The following ABR variants were observed in gnomAD, a reference collection of about 807,000 sequenced individuals.
ABR encodes ABR activator of RhoGEF and GTPase, also known as active breakpoint cluster region-related protein.
A neutral mutation model predicts 107.2 loss-of-function variants in ABR; 35 were observed. The observed-to-expected ratio is 0.33, with a 90% confidence interval of 0.25 to 0.43. The LOEUF is 0.43. ABR is among the 20% of genes least tolerant of loss of function. ABR has a pLI of 1.00. For missense variants in ABR, 815 were observed against 1,115.2 expected, an observed-to-expected ratio of 0.73 and a Z score of 3.83; for synonymous variants, 498 against 462.0, an observed-to-expected ratio of 1.08 and a Z score of -1.00.
chr17:1,034,633 T>C (rs943575204), intron 16 of ABR, among the ~76,000 whole-genome samples: 4 of 152,048 alleles, frequency 2.6e-5, no homozygotes, highest in Non-Finnish European at 5.9e-5. Flanking sequence ...CCACCCTCAC[T>C]GGGTCCCAGC....
At chr17:1,166,404 A>G (rs964370199) in intron 1 of ABR, among the ~76,000 whole-genome samples, 4 of 152,134 alleles carry the variant, frequency 2.6e-5, no homozygotes, top group African/African-American at 9.7e-5. Context: ...ATCCCCAAGC[A>G]GAGGAACAGC....
intron 1 of ABR, among the ~76,000 whole-genome samples, chr17:1,195,224 G>A (rs1269104054): frequency 1.0e-4 from 15 of 145,860 alleles, no homozygotes; most frequent in Non-Finnish European, 1.5e-4. Context: ...GGAGAATGGC[G>A]TGAACCCGGA....
At chr17:1,060,227 G>A (rs1380610122) in intron 10 of ABR, among the ~76,000 whole-genome samples, 2 of 151,926 alleles carry the variant, frequency 1.3e-5, no homozygotes, top group Non-Finnish European at 2.9e-5. Flanking sequence ...CCTGGCCAAC[G>A]TGGTGAAACT....
rs1036105910 is a variant in ABR at position 1,037,681 on chromosome 17, G to T, written c.1791+12369C>A. ...TGCTCCTCCTCCCGGGAAGGAGGGG[G>T]TGTGGCCGGGTCTCCCAGCACAGCC... On this transcript the variant is annotated intron_variant, in intron 16 of 22. Coordinates refer to ENST00000302538, the MANE Select transcript of ABR (RefSeq NM_021962.5). This position sits in a 1 kb window ranked among gnomAD's most constrained non-coding sequence, Gnocchi z 4.6. 1.3e-5 allele frequency among the ~76,000 whole-genome samples: 2 copies of T among 152,170 alleles called. No individual in the cohort carries two copies. Among genetic ancestry groups the T allele is most frequent in the African/African-American group, 4.8e-5 (2 of 41,440 alleles).
intron 1 of ABR, among the ~76,000 whole-genome samples, chr17:1,174,779 G>A (rs1459267986): frequency 2.6e-5 from 4 of 152,122 alleles, no homozygotes; most frequent in South Asian, 2.1e-4. Flanking sequence ...AATGGAGGCC[G>A]AAGTGGCAAA....
At chr17:1,203,636 C>G (rs563128444) in intron 1 of ABR, among the ~76,000 whole-genome samples, 18 of 152,288 alleles carry the variant, frequency 1.2e-4, no homozygotes, top group Non-Finnish European at 2.1e-4. Context: ...TGCGAGGAGC[C>G]CGGCGAGTGT....
At position 1,179,309 on chromosome 17, in the gene ABR, A is replaced by G. The variant is rs774320257; in HGVS notation, c.61+358T>C. On this transcript the variant is annotated intron_variant, in intron 1 of 22. Coordinates refer to ENST00000302538, the MANE Select transcript of ABR (RefSeq NM_021962.5). This position sits in a 1 kb window ranked among gnomAD's most constrained non-coding sequence, Gnocchi z 4.9. ...GTCCAGGGGCGGGGGCAGCACCCAG[A>G]AGGGCCTCCCTCCCCTGAGGCTCGC... Among the ~76,000 whole-genome samples, 6 of 151,970 alleles carry G rather than the reference A, an allele frequency of 3.9e-5. No homozygotes were observed. The highest frequency in any genetic ancestry group is 2.9e-5 in the Non-Finnish European group (2 of 67,926).
Position 1,179,769 on chromosome 17 carries a change from T to A in ABR, c.-42A>T, listed in dbSNP as rs1338397260. The A allele has an allele frequency of 8.0e-6, 4 of 499,048 alleles. No homozygotes were observed. Among genetic ancestry groups the A allele is most frequent in the East Asian group, 9.8e-5 (2 of 20,470 alleles). The allele number at this position is 499,048 out of a possible 1,614,324, so 30.9% of individuals were successfully genotyped here. On this transcript the variant is annotated 5_prime_UTR_variant, in exon 1 of 23. It removes an upstream start codon present in the reference 5' UTR. Coordinates refer to ENST00000302538, the MANE Select transcript of ABR (RefSeq NM_021962.5). The surrounding 1 kb of genome is among the most constrained non-coding windows in gnomAD (Gnocchi z 4.9). ...GGTCAGATCCGAAACCCGACCCTCA[T>A]CGCGCAACAAAGGAGGGAGAGCGGG...
At chr17:1,211,274 G>T (rs377147998) in intron 1 of ABR, among the ~76,000 whole-genome samples, 1 of 151,766 alleles carries the variant, frequency 6.6e-6, no homozygotes, top group South Asian at 2.1e-4. Context: ...GTGAGGCTCC[G>T]TCTCAAAAAA....
chr17:1,209,303 G>A (rs568229933), intron 1 of ABR, among the ~76,000 whole-genome samples: 60 of 149,872 alleles, frequency 4.0e-4, no homozygotes, highest in Non-Finnish European at 5.8e-4. Flanking sequence ...TTTTGAGACC[G>A]TCTTACTCTG....
Position 1,050,262 on chromosome 17 carries a change from G to A in ABR, c.1660-81C>T. On this transcript the variant is annotated intron_variant, in intron 15 of 22. Coordinates refer to ENST00000302538, the MANE Select transcript of ABR (RefSeq NM_021962.5). The surrounding 1 kb of genome is among the most constrained non-coding windows in gnomAD (Gnocchi z 4.6). ...TCCGGCAGGTGCGTGCCTCAGCTTT[G>A]CAAGGAGGAGGGAGTAAGCACGGCC... is the stretch of plus-strand genomic sequence containing the variant. 6.6e-7 allele frequency: 1 copy of A among 1,525,440 alleles called. No homozygotes were observed. The highest frequency in any genetic ancestry group is 8.8e-7 in the Non-Finnish European group (1 of 1,135,172). 94.5% of individuals were successfully genotyped at this position (1,525,440 alleles called of 1,614,324 possible). A position where few individuals can be genotyped will look rare whatever the true frequency, so the allele number is the denominator to read the frequency against.
In ABR at chr17:1,032,664, TGAGA is replaced by T. The variant is rs553218054; in HGVS notation, c.1791+17382_1791+17385del. On this transcript the variant is annotated intron_variant, in intron 16 of 22. Coordinates refer to ENST00000302538, the MANE Select transcript of ABR (RefSeq NM_021962.5). ...CCACCCGTGTCCGTGCTGGGCGCCT[TGAGA>T]GAGAGAAGAACTTGTTCTTGACCTT... is the stretch of plus-strand genomic sequence containing the variant. Among the ~76,000 whole-genome samples, 15 of 104,104 alleles carry T rather than the reference TGAGA, an allele frequency of 1.4e-4. 1 individual carries two copies. Among genetic ancestry groups the T allele is most frequent in the Admixed American group, 1.4e-3 (14 of 9,900 alleles). 68.3% of individuals were successfully genotyped at this position (104,104 alleles called of 152,430 possible).
chr17:1,107,563 C>T (rs1158812048), intron 2 of ABR, among the ~76,000 whole-genome samples: 1 of 152,236 alleles, frequency 6.6e-6, no homozygotes. Context: ...GGGCCCACAT[C>T]TGTGCTGGGG....
intron 16 of ABR, among the ~76,000 whole-genome samples, chr17:1,043,993 A>G (rs2120233): frequency 0.56 from 85,757 of 152,134 alleles, 24,726 homozygotes; most frequent in East Asian, 0.83. Context: ...GCTGGCAGAA[A>G]CTGAGCTGTG....
At chr17:1,124,406 C>A (rs80032820) in intron 2 of ABR, among the ~76,000 whole-genome samples, 7 of 152,300 alleles carry the variant, frequency 4.6e-5, no homozygotes, top group Non-Finnish European at 8.8e-5. Context: ...ACACACCCCC[C>A]ACAGAGGACC....
intron 2 of ABR, among the ~76,000 whole-genome samples, chr17:1,120,050 A>G (rs1338639701): frequency 6.6e-6 from 1 of 152,002 alleles, no homozygotes; most frequent in Non-Finnish European, 1.5e-5. Flanking sequence ...GTGAACTACC[A>G]TGCCCAGCTA....
intron 2 of ABR, chr17:1,108,825 G>T (rs1475283873): frequency 2.0e-6 from 2 of 1,002,468 alleles, no homozygotes; most frequent in African/African-American, 4.4e-5. Context: ...CTCCGCCGAG[G>T]GCTTCCACCC....
intron 10 of ABR, 101 bp downstream of exon 10, chr17:1,066,976 G>C: frequency 1.6e-6 from 2 of 1,282,424 alleles, no homozygotes; most frequent in South Asian, 1.3e-5. Flanking sequence ...ACACACTCAA[G>C]GCTCCCTCTC....
intron 4 of ABR, chr17:1,083,893 T>C (rs2036426500): frequency 4.8e-6 from 2 of 414,492 alleles, no homozygotes; most frequent in South Asian, 4.9e-5. Context: ...GTTGGCCTGC[T>C]AGAAATTCAA....
Sources: gnomAD v4.1 joint callset for allele counts (sites outside exome capture counted in the v4.1 genomes callset) on GRCh38, gnomAD v4.1.1 for gene constraint, Gnocchi (gnomAD v3.1) non-coding constraint, MANE v1.5 for transcripts, NCBI Gene and HGNC (gene_info 2026-07-23, HGNC 2026-07-21) for gene names.